Variants in KY observed in about 807,000 individuals in gnomAD.
The protein encoded by KY is kyphoscoliosis peptidase.
KY carries 43 observed loss-of-function variants against 76.1 expected under a neutral mutation model. That is an observed-to-expected ratio of 0.57 (90% CI 0.44 to 0.73). The LOEUF (loss-of-function observed/expected upper bound fraction) is 0.73. Ranked by LOEUF, KY falls within the 30% of genes least tolerant of loss-of-function variation. The pLI is 0.00. For synonymous variants in KY, 277 were observed against 326.2 expected (o/e 0.85, Z 1.63); for missense variants, 722 against 828.9 (o/e 0.87, Z 1.58).
chr3:134,643,233 A>C, intron 3 of KY, 83 bp downstream of exon 3: 1 of 1,365,296 alleles, frequency 7.3e-7, no homozygotes, highest in Non-Finnish European at 1.0e-6. Context: ...TCTGAGCTCC[A>C]CATCCTGGGC....
intron 3 of KY, among the ~76,000 whole-genome samples, chr3:134,642,565 C>T (rs1410030242): frequency 2.0e-5 from 3 of 152,290 alleles, no homozygotes; most frequent in East Asian, 3.9e-4. Context: ...CTGCCTTCCC[C>T]GAGTCCCCAG....
At chr3:134,628,841 C>T (rs1003441835) in intron 4 of KY, among the ~76,000 whole-genome samples, 4 of 152,138 alleles carry the variant, frequency 2.6e-5, no homozygotes, top group Non-Finnish European at 4.4e-5. Flanking sequence ...CCCAGTCAGT[C>T]GACCCTAGAG....
At position 134,628,304 on chromosome 3, in the gene KY, C is replaced by T. The variant is rs184175233; in HGVS notation, c.338-486G>A. ...AATTATTCCTTGGGAGGATTAAAGGCCAACTGAATCCCATAAATCTAAGAC... is the reference window on the plus strand; with the variant it reads ...AATTATTCCTTGGGAGGATTAAAGGTCAACTGAATCCCATAAATCTAAGAC... On this transcript the variant is annotated intron_variant, in intron 4 of 10. Coordinates refer to ENST00000423778, the MANE Select transcript of KY (RefSeq NM_178554.6). Among the ~76,000 whole-genome samples, 7 of 152,274 alleles carry T rather than the reference C, an allele frequency of 4.6e-5. No homozygotes were observed. In the East Asian group the frequency reaches 1.2e-3, roughly 25 times the overall value.
chr3:134,644,535 A>G (rs928686715), intron 2 of KY, among the ~76,000 whole-genome samples: 1 of 152,138 alleles, frequency 6.6e-6, no homozygotes, highest in African/African-American at 2.4e-5. Flanking sequence ...TTCCCCCACC[A>G]CTACCACTCT....
rs368071867 is a variant in KY, at chr3:134,650,922, G to A, written c.39C>T (p.Asp13=). The change falls in exon 1 of 11, where the codon GAC becomes GAT. Residue 13 remains aspartate (D), a synonymous_variant. Coordinates refer to ENST00000423778, the MANE Select transcript of KY (RefSeq NM_178554.6). ...TCTCCGAGTGCACGATCAGCAGCAT[G>A]TCGATAGATACAGCGTTGATGTCCT... The part of the protein sequence containing the change: ...LKKDINAVSI[D]MLLIVHSEKR... 7 of 1,613,258 alleles carry A rather than the reference G, an allele frequency of 4.3e-6. No individual in the cohort carries two copies. Among genetic ancestry groups the A allele is most frequent in the African/African-American group, 1.3e-5 (1 of 74,930 alleles).
rs2107825396 is a variant in KY at position 134,619,220 on chromosome 3, T to G, written c.638A>C (p.Lys213Thr). 1 of 1,613,992 alleles carries G rather than the reference T, an allele frequency of 6.2e-7. No individual in the cohort carries two copies. Among genetic ancestry groups the G allele is most frequent in the Non-Finnish European group, 8.5e-7 (1 of 1,179,896 alleles). Reference sequence around the variant, plus strand: ...CTGGGTCCGCAGGATGTCAGTGGGTTTGAAGGCTTGGCGGTCCTTCTCCTG... The same window carrying G: ...CTGGGTCCGCAGGATGTCAGTGGGTGTGAAGGCTTGGCGGTCCTTCTCCTG... ...AAQEKDRQAF[K>T]PTDILRTQKT... Residue 213 changes from lysine (K) to threonine (T), a missense_variant, in exon 8 of 11, where the codon AAA becomes ACA. Physicochemically the swap from Lys to Thr is moderately conservative, Grantham distance 78 (BLOSUM62 -1). Transcript: ENST00000423778.
intron 8 of KY, among the ~76,000 whole-genome samples, chr3:134,618,751 C>T (rs757070400): frequency 6.6e-5 from 10 of 152,154 alleles, no homozygotes; most frequent in Non-Finnish European, 1.3e-4. Flanking sequence ...TTTTGTTTCC[C>T]CCAAAAGAGG....
Position 134,619,214 on chromosome 3 carries a change from G to C in KY, c.644C>G (p.Thr215Ser). The change falls in exon 8 of 11, where the codon ACT (threonine) becomes AGT (serine). Residue 215 changes from threonine to serine, a missense_variant. Thr to Ser is a moderately conservative substitution (Grantham distance 58). This residue lies in a region of KY where 552 missense variants were observed against 680.9 expected (regional missense o/e 0.81). Transcript: ENST00000423778. The stretch of plus-strand genomic sequence containing the variant: ...GGTCTTCTGGGTCCGCAGGATGTCA[G>C]TGGGTTTGAAGGCTTGGCGGTCCTT... ...QEKDRQAFKP[T>S]DILRTQKTNC... is the part of the protein sequence containing the mutation. 6.2e-7 allele frequency: 1 copy of C among 1,614,012 alleles called. No individual in the cohort carries two copies. The highest frequency in any genetic ancestry group is 8.5e-7 in the Non-Finnish European group (1 of 1,179,896).
intron 10 of KY, chr3:134,607,003 A>G (rs1289838587): frequency 1.0e-5 from 10 of 984,488 alleles, no homozygotes; most frequent in Non-Finnish European, 1.1e-5. Flanking sequence ...CATAAGTATC[A>G]GATATATGGA....
chr3:134,627,326 G>C (rs1963587157), intron 5 of KY, among the ~76,000 whole-genome samples: 1 of 152,198 alleles, frequency 6.6e-6, no homozygotes, highest in African/African-American at 2.4e-5. Flanking sequence ...CTGAGGCACA[G>C]GGAAGGCAAA....
At chr3:134,639,581 A>G (rs1029933095) in intron 3 of KY, among the ~76,000 whole-genome samples, 1 of 152,146 alleles carries the variant, frequency 6.6e-6, no homozygotes, top group African/African-American at 2.4e-5. Flanking sequence ...CTACTCTACA[A>G]AGTGTTTGCA....
intron 2 of KY, among the ~76,000 whole-genome samples, chr3:134,645,313 G>A (rs1204095458): frequency 2.6e-5 from 4 of 152,306 alleles, no homozygotes; most frequent in South Asian, 4.1e-4. Context: ...CAGTGTTCCA[G>A]CCCAAGCAGT....
chr3:134,619,508 G>A (rs756983242), intron 7 of KY, among the ~76,000 whole-genome samples: 19 of 152,250 alleles, frequency 1.2e-4, no homozygotes, highest in Non-Finnish European at 2.1e-4. Flanking sequence ...GAGGGGCTAG[G>A]AGGAGAAGGG....
rs142450620 is a variant in KY at position 134,632,841 on chromosome 3, T to C, written c.263-3146A>G. Reference sequence around the variant, plus strand: ...TCTTTTTAAAGATCAGTAAAATTGATGAACTTCTAGCTAGAATGACCAAGA... The same window carrying C: ...TCTTTTTAAAGATCAGTAAAATTGACGAACTTCTAGCTAGAATGACCAAGA... On this transcript the variant is annotated intron_variant, in intron 3 of 10. Coordinates refer to ENST00000423778, the MANE Select transcript of KY (RefSeq NM_178554.6). Among the ~76,000 whole-genome samples the C allele has an allele frequency of 2.9e-4, 44 of 151,972 alleles. 1 individual carries two copies. The highest frequency in any genetic ancestry group is 1.0e-3 in the African/African-American group (43 of 41,518).
chr3:134,613,470 G>A lies in KY; in HGVS notation c.711-3087C>T, dbSNP rs556431844. 6.6e-5 allele frequency among the ~76,000 whole-genome samples: 10 copies of A among 152,296 alleles called. 1 individual carries two copies. The South Asian group carries it at 1.9e-3, about 28-fold the overall frequency. ...TCCACCTGTACTGCTCTGAGTGGGG[G>A]TGATGGCCCCTGAGCCAGGAAATAA... is the stretch of plus-strand genomic sequence containing the variant. On this transcript the variant is annotated intron_variant, in intron 8 of 10. Transcript: ENST00000423778.
At chr3:134,625,261 A>T (rs1577696340) in intron 5 of KY, 126 bp from the exon 6 acceptor site, 17 of 762,488 alleles carry the variant, frequency 2.2e-5, no homozygotes, top group Non-Finnish European at 3.6e-5. Context: ...AAAGCCTGAA[A>T]CATTGAGCCT....
intron 7 of KY, among the ~76,000 whole-genome samples, 200 bp from the exon 8 acceptor site, chr3:134,619,465 A>C (rs1239829700): frequency 6.6e-6 from 1 of 152,230 alleles, no homozygotes; most frequent in Admixed American, 6.5e-5. Context: ...AGGCCTTGGC[A>C]GAGGGGGCCA....
intron 2 of KY, 80 bp from the exon 3 acceptor site, chr3:134,643,458 CG>C: frequency 7.8e-7 from 1 of 1,279,260 alleles, no homozygotes; most frequent in Non-Finnish European, 1.1e-6. Flanking sequence ...TATGTGTTTG[CG>C]GGAAAGGTGG....
intron 8 of KY, among the ~76,000 whole-genome samples, chr3:134,613,608 G>A (rs142849948): frequency 1.3e-5 from 2 of 152,200 alleles, no homozygotes; most frequent in Admixed American, 6.5e-5. Flanking sequence ...TCTCTGACAG[G>A]CTGAGGAGAA....
Sources: allele counts gnomAD v4.1 joint callset (sites outside exome capture counted in the v4.1 genomes callset), GRCh38; gene constraint gnomAD v4.1.1; regional missense constraint gnomAD v4.1.1; transcripts MANE v1.5; gene names NCBI Gene and HGNC (gene_info 2026-07-23, HGNC 2026-07-21).